Variants in DCT observed in about 807,000 individuals in gnomAD.
DCT encodes the protein dopachrome tautomerase, also known as L-dopachrome tautomerase.
In DCT, 47 loss-of-function variants were observed where a neutral mutation model predicts 53.0. That is an observed-to-expected ratio of 0.89 (90% CI 0.70 to 1.13). DCT has a LOEUF of 1.13. DCT is among the 50% of genes most tolerant of loss of function. The pLI is 0.00. For missense variants in DCT, 669 were observed against 637.4 expected (o/e 1.05, Z -0.53); for synonymous variants, 244 against 237.0 (o/e 1.03, Z -0.27).
intron 1 of DCT, among the ~76,000 whole-genome samples, chr13:94,476,180 C>CTTTTTT (rs529819051): frequency 1.4e-5 from 1 of 72,732 alleles, no homozygotes; most frequent in Non-Finnish European, 2.5e-5. Flanking sequence ...GGGGGAGCCT[C>CTTTTTT]TTTTTTTTTT....
chr13:94,541,799 C>T, the DCT span, among the ~76,000 whole-genome samples: 4 of 152,092 alleles, frequency 2.6e-5, no homozygotes, highest in Non-Finnish European at 4.4e-5. Context: ...CCCATAAATA[C>T]GTATGACTAT....
chr13:94,477,260 T>A (rs1885150181), intron 1 of DCT, among the ~76,000 whole-genome samples: 1 of 152,078 alleles, frequency 6.6e-6, no homozygotes, highest in Admixed American at 6.5e-5. Flanking sequence ...CACACCCAGA[T>A]AATTTTTGTA....
At chr13:94,547,151 C>A in the DCT span, among the ~76,000 whole-genome samples, 1 of 151,438 alleles carries the variant, frequency 6.6e-6, no homozygotes. Context: ...CAGTCTCACT[C>A]TGTTGCCCAG....
At chr13:94,494,789 G>A in the DCT span, among the ~76,000 whole-genome samples, 91 of 151,366 alleles carry the variant, frequency 6.0e-4, no homozygotes, top group South Asian at 0.018. Context: ...TCTTTATTCT[G>A]TGCATATACA....
rs2139382866 is a variant in DCT at position 94,479,078 on chromosome 13, G to GC, written c.177dup (p.Gln60AlafsTer23). 1.2e-6 allele frequency: 2 copies of GC among 1,614,228 alleles called. No individual in the cohort carries two copies. The highest frequency in any genetic ancestry group is 1.7e-6 in the Non-Finnish European group (2 of 1,180,038). ...GTGTCGGCTCGCACCTCTGTGCACTGCCCCCGGCCTTGCTGAGAGCCACAG... is the reference window on the plus strand; with the variant it reads ...GTGTCGGCTCGCACCTCTGTGCACTGCCCCCCGGCCTTGCTGAGAGCCACAG... On this transcript the variant is annotated frameshift_variant, in exon 1 of 8. Coordinates refer to ENST00000377028, the MANE Select transcript of DCT (RefSeq NM_001922.5). LOFTEE classifies it high-confidence loss of function.
At chr13:94,524,255 A>G in the DCT span, among the ~76,000 whole-genome samples, 9 of 152,318 alleles carry the variant, frequency 5.9e-5, no homozygotes, top group East Asian at 1.9e-4. Context: ...AGGAAACTCA[A>G]TGGGCTGTGG....
chr13:94,441,967 G>A (rs750806084), intron 7 of DCT, among the ~76,000 whole-genome samples: 18 of 152,098 alleles, frequency 1.2e-4, no homozygotes, highest in South Asian at 2.1e-4. Context: ...CACCAGCAAT[G>A]CACAAGGATT....
At chr13:94,521,600 G>A in the DCT span, among the ~76,000 whole-genome samples, 3 of 152,302 alleles carry the variant, frequency 2.0e-5, no homozygotes, top group South Asian at 6.2e-4. Context: ...AACCTGGAAG[G>A]TGGAGGTTGC....
At chr13:94,465,537 G>T in intron 4 of DCT, 96 bp downstream of exon 4, 1 of 1,094,876 alleles carries the variant, frequency 9.1e-7, no homozygotes, top group Non-Finnish European at 1.3e-6. Flanking sequence ...GACACCACAT[G>T]CATAAGAAAC....
intron 1 of DCT, among the ~76,000 whole-genome samples, chr13:94,472,544 A>G: frequency 3.7e-5 from 1 of 26,714 alleles, no homozygotes; most frequent in South Asian, 1.2e-3. Context: ...ATATATATAT[A>G]TATATATATA....
At chr13:94,489,063 G>T in the DCT span, among the ~76,000 whole-genome samples, 2 of 152,146 alleles carry the variant, frequency 1.3e-5, no homozygotes, top group African/African-American at 4.8e-5. Flanking sequence ...CAAGAAACTG[G>T]TTGAGTGCTG....
the DCT span, among the ~76,000 whole-genome samples, chr13:94,538,267 T>A: frequency 6.6e-6 from 1 of 152,222 alleles, no homozygotes; most frequent in Non-Finnish European, 1.5e-5. Context: ...ATTATCTTAT[T>A]TAATTCTCAC....
At chr13:94,535,373 C>T in the DCT span, among the ~76,000 whole-genome samples, 7 of 152,134 alleles carry the variant, frequency 4.6e-5, no homozygotes, top group African/African-American at 1.7e-4. Flanking sequence ...AGCATTATTG[C>T]TGTAAGTATC....
chr13:94,515,629 A>G, the DCT span, among the ~76,000 whole-genome samples: 1 of 152,212 alleles, frequency 6.6e-6, no homozygotes, highest in Non-Finnish European at 1.5e-5. Context: ...AAGGGCTTGG[A>G]GTGGTTTTCA....
the DCT span, among the ~76,000 whole-genome samples, chr13:94,543,321 G>A: frequency 1.3e-5 from 2 of 152,084 alleles, no homozygotes; most frequent in African/African-American, 4.8e-5. Flanking sequence ...ATTCCTTCCT[G>A]AACCATCAGC....
At chr13:94,543,533 G>T in the DCT span, among the ~76,000 whole-genome samples, 1 of 152,078 alleles carries the variant, frequency 6.6e-6, no homozygotes, top group East Asian at 1.9e-4. Context: ...TTCTCTAATA[G>T]AAATCTCTCC....
the DCT span, among the ~76,000 whole-genome samples, chr13:94,497,152 C>G: frequency 6.6e-6 from 1 of 152,044 alleles, no homozygotes; most frequent in Non-Finnish European, 1.5e-5. Flanking sequence ...AAGCAGACTG[C>G]TCTTCATAAC....
chr13:94,520,440 G>A, the DCT span, among the ~76,000 whole-genome samples: 11 of 152,260 alleles, frequency 7.2e-5, no homozygotes, highest in South Asian at 1.9e-3. Context: ...TTCTGGTGGC[G>A]AGGCCTGCCA....
At chr13:94,459,561 G>T (rs941706911) in intron 6 of DCT, among the ~76,000 whole-genome samples, 3 of 152,174 alleles carry the variant, frequency 2.0e-5, no homozygotes, top group African/African-American at 7.2e-5. Context: ...CTAGGAGATT[G>T]TTTATGTCCA....
Sources: gnomAD v4.1 joint callset for allele counts (sites outside exome capture counted in the v4.1 genomes callset) on GRCh38, gnomAD v4.1.1 for gene constraint, MANE v1.5 for transcripts, NCBI Gene and HGNC (gene_info 2026-07-23, HGNC 2026-07-21) for gene names.